SEMA5A: variants seen among roughly 807,000 people sequenced by gnomAD.
The protein encoded by SEMA5A is semaphorin-5A.
A neutral mutation model predicts 135.5 loss-of-function variants in SEMA5A; 55 were observed. The observed-to-expected ratio is 0.41, with a 90% CI of 0.33 to 0.51. The LOEUF is 0.51. Ranked by LOEUF, SEMA5A falls within the 20% of genes least tolerant of loss-of-function variation. The pLI, the probability that SEMA5A is intolerant of heterozygous loss-of-function variation, is 0.37. For missense variants in SEMA5A, 1,290 were observed against 1,419.9 expected, an observed-to-expected ratio of 0.91 and a Z score of 1.47; for synonymous variants, 580 against 546.5, an observed-to-expected ratio of 1.06 and a Z score of -0.85.
At chr5:9,292,431 A>G (rs1751130862) in intron 5 of SEMA5A, among the ~76,000 whole-genome samples, 2 of 152,316 alleles carry the variant, frequency 1.3e-5, no homozygotes, top group South Asian at 4.1e-4. Context: ...CCGAGGACAC[A>G]CACCCAGTAA....
intron 10 of SEMA5A, among the ~76,000 whole-genome samples, chr5:9,196,294 G>A (rs1321782357): frequency 6.6e-6 from 1 of 152,144 alleles, no homozygotes; most frequent in African/African-American, 2.4e-5. Context: ...TCATAAGGGT[G>A]GGGCCCTGGT....
At chr5:9,144,961 AC>A (rs1351307949) in intron 12 of SEMA5A, among the ~76,000 whole-genome samples, 1 of 152,130 alleles carries the variant, frequency 6.6e-6, no homozygotes, top group African/African-American at 2.4e-5. Context: ...TAGTCCGGAG[AC>A]CATGAGAAGT....
chr5:9,359,749 C>G (rs1210845207), intron 3 of SEMA5A, among the ~76,000 whole-genome samples: 1 of 152,124 alleles, frequency 6.6e-6, no homozygotes, highest in Non-Finnish European at 1.5e-5. Flanking sequence ...ATTAGAGTAA[C>G]TCTCAAATAT....
chr5:9,203,342 A>G (rs760878219), intron 8 of SEMA5A, among the ~76,000 whole-genome samples: 1 of 152,230 alleles, frequency 6.6e-6, no homozygotes, highest in Admixed American at 6.5e-5. Context: ...ATTTTCAGGG[A>G]CAATTAGTTT....
chr5:9,247,932 C>T (rs1579705560), intron 5 of SEMA5A, among the ~76,000 whole-genome samples: 1 of 152,160 alleles, frequency 6.6e-6, no homozygotes, highest in Admixed American at 6.6e-5. Flanking sequence ...ATGACTGATA[C>T]ATTCATGTCC....
chr5:9,167,348 T>A (rs1030793375), intron 11 of SEMA5A, among the ~76,000 whole-genome samples: 9 of 152,312 alleles, frequency 5.9e-5, no homozygotes, highest in African/African-American at 2.2e-4. Flanking sequence ...GCGTACCGCA[T>A]GCAACTAGAA....
chr5:9,431,575 G>A (rs924611469), intron 2 of SEMA5A, among the ~76,000 whole-genome samples: 7 of 151,900 alleles, frequency 4.6e-5, no homozygotes, highest in African/African-American at 1.7e-4. Context: ...AACTGATTAG[G>A]TTTGCAGCCC....
chr5:9,128,182 T>C (rs1037088185), intron 13 of SEMA5A, among the ~76,000 whole-genome samples: 5 of 152,100 alleles, frequency 3.3e-5, no homozygotes, highest in African/African-American at 1.2e-4. Context: ...CTGTGGTGAG[T>C]TGGGCTGGCA....
chr5:9,296,579 TTTTTTAATTA>T (rs1236746077), intron 5 of SEMA5A, among the ~76,000 whole-genome samples: 1 of 152,140 alleles, frequency 6.6e-6, no homozygotes, highest in African/African-American at 2.4e-5. Flanking sequence ...TGCCAAAATG[TTTTTTAATTA>T]TGTATTTCAT....
intron 5 of SEMA5A, among the ~76,000 whole-genome samples, chr5:9,283,985 G>T (rs1340192426): frequency 6.6e-6 from 1 of 151,554 alleles, no homozygotes; most frequent in African/African-American, 2.4e-5. Flanking sequence ...CTAAAAAATA[G>T]ATAGATAGAT....
chr5:9,051,674 C>A lies in SEMA5A; in HGVS notation c.2845+199G>T, dbSNP rs550384811. ...GCAAAAGACACTTTTCCTAAGAAAT[C>A]TTAAATTCATGAACTGAATTCATGT... On this transcript the variant is annotated intron_variant, in intron 20 of 22. Coordinates refer to ENST00000382496, the MANE Select transcript of SEMA5A (RefSeq NM_003966.3). 3.9e-5 allele frequency among the ~76,000 whole-genome samples: 6 copies of A among 152,280 alleles called. No individual in the cohort carries two copies. In the East Asian group the frequency reaches 1.2e-3, roughly 29 times the overall value.
At chr5:9,349,164 C>G (rs1326524049) in intron 3 of SEMA5A, among the ~76,000 whole-genome samples, 3 of 152,170 alleles carry the variant, frequency 2.0e-5, no homozygotes, top group African/African-American at 7.2e-5. Flanking sequence ...TAATAAGTCC[C>G]AAGGTGGCCT....
At chr5:9,301,982 G>A (rs925632289) in intron 5 of SEMA5A, among the ~76,000 whole-genome samples, 1 of 152,060 alleles carries the variant, frequency 6.6e-6, no homozygotes, top group Non-Finnish European at 1.5e-5. Context: ...ATCGCCCCTT[G>A]CAGCTCTGAG....
intron 1 of SEMA5A, among the ~76,000 whole-genome samples, chr5:9,502,116 T>A (rs941331754): frequency 6.6e-6 from 1 of 152,188 alleles, no homozygotes; most frequent in Non-Finnish European, 1.5e-5. Flanking sequence ...AATATTTTTT[T>A]AAATAAAAAA....
intron 8 of SEMA5A, among the ~76,000 whole-genome samples, chr5:9,212,460 C>T (rs1746392475): frequency 6.6e-6 from 1 of 152,196 alleles, no homozygotes. Context: ...TTACCAAACA[C>T]ATAACTTAAT....
intron 15 of SEMA5A, among the ~76,000 whole-genome samples, chr5:9,109,028 A>T (rs201509576): frequency 0.018 from 1,620 of 92,292 alleles, 100 homozygotes; most frequent in East Asian, 0.16. Flanking sequence ...TTTCTCTTCA[A>T]TTTTTTTTTT....
chr5:9,214,703 C>T (rs1355685152), intron 8 of SEMA5A, among the ~76,000 whole-genome samples: 2 of 152,206 alleles, frequency 1.3e-5, no homozygotes, highest in African/African-American at 2.4e-5. Context: ...AAGGCCACAG[C>T]ATGTCATGCT....
In SEMA5A at chr5:9,532,939, T is replaced by G. The variant is rs1410824650; in HGVS notation, c.-175+12645A>C. On this transcript the variant is annotated intron_variant, in intron 1 of 22. Transcript: ENST00000382496. ...CCACCAAAAGACTGTCATCTTCTAATAGCCTGCAACTGCTCCCAATTTCAT... is the reference window on the plus strand; with the variant it reads ...CCACCAAAAGACTGTCATCTTCTAAGAGCCTGCAACTGCTCCCAATTTCAT... Among the ~76,000 whole-genome samples the G allele has an allele frequency of 1.3e-5, 2 of 152,222 alleles. 1 individual carries two copies. The highest frequency in any genetic ancestry group is 3.8e-4 in the East Asian group (2 of 5,200).
At chr5:9,053,353 C>T (rs1736700948) in intron 19 of SEMA5A, among the ~76,000 whole-genome samples, 1 of 152,240 alleles carries the variant, frequency 6.6e-6, no homozygotes, top group African/African-American at 2.4e-5. Context: ...ACCTCAGACT[C>T]TGTTATTAGG....
Sources: allele counts gnomAD v4.1 joint callset (sites outside exome capture counted in the v4.1 genomes callset), GRCh38; gene constraint gnomAD v4.1.1; transcripts MANE v1.5; gene names NCBI Gene and HGNC (gene_info 2026-07-23, HGNC 2026-07-21).